Variants in SCN4A observed in about 807,000 individuals in gnomAD.
SCN4A encodes the protein sodium channel protein type 4 subunit alpha.
In SCN4A, 83 loss-of-function variants were observed where a neutral mutation model predicts 162.0. The ratio of observed to expected loss-of-function variants is 0.51; its 90% CI spans 0.43 to 0.61. SCN4A has a LOEUF of 0.61. Among genes scored for constraint, SCN4A ranks in the 20% least tolerant of loss-of-function variants. The probability of loss-of-function intolerance (pLI) is 0.00; values close to 1 mark genes in which losing one functional copy is unlikely to be tolerated. For missense variants in SCN4A, 2,196 were observed against 2,462.5 expected, an observed-to-expected ratio of 0.89 and a Z score of 2.29; for synonymous variants, 944 against 985.1, an observed-to-expected ratio of 0.96 and a Z score of 0.78.
intron 8 of SCN4A, 79 bp downstream of exon 8, chr17:63,966,023 C>T: frequency 8.9e-7 from 1 of 1,122,590 alleles, no homozygotes. Flanking sequence ...TGTGGTAGGC[C>T]CCATCAGGCC....
At chr17:63,946,961 G>T in intron 18 of SCN4A, 84 bp downstream of exon 18, 1 of 1,315,430 alleles carries the variant, frequency 7.6e-7, no homozygotes, top group Non-Finnish European at 1.1e-6. Flanking sequence ...GGTGGTTGGA[G>T]TATAGACATG....
chr17:63,946,464 C>CG (rs1220086390), intron 18 of SCN4A, among the ~76,000 whole-genome samples: 1 of 109,684 alleles, frequency 9.1e-6, no homozygotes, highest in African/African-American at 5.5e-5. Context: ...TTTTTCTTGC[C>CG]CCCCCCCCCA....
rs780460639 is a variant in SCN4A at position 63,963,844 on chromosome 17, G to A, written c.1453-19C>T. 6 of 1,584,166 alleles carry A rather than the reference G, an allele frequency of 3.8e-6. No homozygotes were observed. The East Asian group carries it at 1.2e-4, about 30-fold the overall frequency. On this transcript the variant is annotated intron_variant, in intron 9 of 23. Coordinates refer to ENST00000435607, the MANE Select transcript of SCN4A (RefSeq NM_000334.4). ...CCTTGGCCTGTAGACCAGCAAGAGT[G>A]ACTGGCAGGAAGTCCAGCTCTGAGC...
At position 63,941,894 on chromosome 17, in the gene SCN4A, C is replaced by A. The variant is rs771340029; in HGVS notation, c.4388G>T (p.Arg1463Leu). Residue 1463 changes from arginine (R) to leucine (L), a missense_variant, in exon 24 of 24, where the codon CGC becomes CTC. Coordinates refer to ENST00000435607, the MANE Select transcript of SCN4A (RefSeq NM_000334.4). This position sits in a 1 kb window ranked among gnomAD's most constrained non-coding sequence, Gnocchi z 6.2. Reference sequence around the variant, plus strand: ...CAGCGTCCGGATGCCCTTGGCCCCGCGGATCAGCCGCAGGACACGCCCAAT... The same window carrying A: ...CAGCGTCCGGATGCCCTTGGCCCCGAGGATCAGCCGCAGGACACGCCCAAT... ...ARIGRVLRLIRGAKGIRTLLF... is the reference protein window; with the variant it reads ...ARIGRVLRLILGAKGIRTLLF... The A allele has an allele frequency of 1.9e-6, 3 of 1,613,226 alleles. No homozygotes were observed. Among genetic ancestry groups the A allele is most frequent in the African/African-American group, 1.3e-5 (1 of 74,924 alleles).
intron 10 of SCN4A, chr17:63,961,640 C>T (rs1487578224): frequency 1.1e-5 from 6 of 554,902 alleles, no homozygotes; most frequent in Non-Finnish European, 1.6e-5. Context: ...TGGCTTCACC[C>T]CAAAGCCCCG....
At position 63,948,671 on chromosome 17, in the gene SCN4A, G is replaced by T. The variant is rs377273244; in HGVS notation, c.3084C>A (p.Val1028=). ...TGAAGGTCTCGAACCAGTTGTGCTC[G>T]ACAATCTTGAAGCAGGCCCTGCGCA... ...WTLRRACFKI[V]EHNWFETFIV... The change falls in exon 16 of 24, where the codon GTC becomes GTA. Residue 1028 remains valine, a synonymous_variant. Transcript: ENST00000435607. The T allele has an allele frequency of 1.6e-4, 252 of 1,613,784 alleles. 2 individuals carry two copies. The Middle Eastern group carries it at 3.1e-3, about 20-fold the overall frequency.
intron 18 of SCN4A, among the ~76,000 whole-genome samples, chr17:63,946,791 A>C (rs1908738789): frequency 1.3e-5 from 2 of 151,772 alleles, no homozygotes; most frequent in South Asian, 4.2e-4. Flanking sequence ...TGCTCCCCTC[A>C]AGTAGTGGCA....
rs1567818119 is a variant in SCN4A, at chr17:63,945,540, G to T, written c.3540C>A (p.Asn1180Lys). 6.2e-7 allele frequency: 1 copy of T among 1,614,000 alleles called. No individual in the cohort carries two copies. Among genetic ancestry groups the T allele is most frequent in the Non-Finnish European group, 8.5e-7 (1 of 1,179,888 alleles). The change falls in exon 19 of 24, where the codon AAC (asparagine) becomes AAA (lysine). Residue 1180 changes from asparagine to lysine, a missense_variant. Transcript: ENST00000435607. The surrounding 1 kb of genome is among the most constrained non-coding windows in gnomAD (Gnocchi z 4.4). ...AGTAGTAGAACTTGCCGGCAAACAGGTTGACACCCATGATGCTGAAGATCA... is the reference window on the plus strand; with the variant it reads ...AGTAGTAGAACTTGCCGGCAAACAGTTTGACACCCATGATGCTGAAGATCA... The part of the protein sequence containing the change: ...FWLIFSIMGV[N>K]LFAGKFYYCI...
At chr17:63,959,893 C>T (rs541741283) in intron 11 of SCN4A, among the ~76,000 whole-genome samples, 30 of 152,222 alleles carry the variant, frequency 2.0e-4, no homozygotes, top group East Asian at 1.4e-3. Context: ...CACATGGGAA[C>T]GAGCCACATC....
intron 6 of SCN4A, among the ~76,000 whole-genome samples, chr17:63,967,257 A>T (rs2144808873): frequency 6.6e-6 from 1 of 152,096 alleles, no homozygotes; most frequent in Middle Eastern, 3.4e-3. Context: ...GGTTCAAGCG[A>T]TTCTCCTGCC....
intron 13 of SCN4A, among the ~76,000 whole-genome samples, chr17:63,953,071 C>A (rs1257391913): frequency 6.6e-6 from 1 of 152,134 alleles, no homozygotes; most frequent in Non-Finnish European, 1.5e-5. Context: ...ATTAAAGGAT[C>A]AATAAAAGCC....
At chr17:63,947,012 C>A in intron 18 of SCN4A, 33 bp downstream of exon 18, 1 of 1,472,798 alleles carries the variant, frequency 6.8e-7, no homozygotes, top group East Asian at 2.4e-5. Context: ...TCCCCCATCC[C>A]CAGCCCACCC....
intron 10 of SCN4A, 161 bp from the exon 11 acceptor site, chr17:63,961,592 A>C: frequency 1.9e-6 from 1 of 536,004 alleles, no homozygotes; most frequent in Non-Finnish European, 3.4e-6. Context: ...CTCTTGCGTC[A>C]CCCTTACTGT....
chr17:63,959,570 C>A (rs927064874), intron 11 of SCN4A, 132 bp from the exon 12 acceptor site: 8 of 799,666 alleles, frequency 1.0e-5, no homozygotes, highest in Non-Finnish European at 1.4e-5. Flanking sequence ...CTGAGAGGAG[C>A]AGGAGTGGCA....
chr17:63,961,252 C>T lies in SCN4A; in HGVS notation c.1786G>A (p.Ala596Thr). The T allele has an allele frequency of 6.4e-7, 1 of 1,574,590 alleles. No homozygotes were observed. The highest frequency in any genetic ancestry group is 1.1e-5 in the South Asian group (1 of 90,492). The change falls in exon 11 of 24, where the codon GCC (alanine) becomes ACC (threonine). Residue 596 changes from alanine (A) to threonine (T), a missense_variant. Coordinates refer to ENST00000435607, the MANE Select transcript of SCN4A (RefSeq NM_000334.4). The part of the protein sequence containing the change: ...ICIVLNTLFM[A>T]MEHYPMTEHF... The stretch of plus-strand genomic sequence containing the variant: ...TCCGTCATGGGGTAATGTTCCATGG[C>T]CATGAAGAGGGTGTTGAGCACGATG...
chr17:63,947,878 G>C lies in SCN4A; in HGVS notation c.3318+12C>G, dbSNP rs13341114. The C allele has an allele frequency of 1.9e-6, 3 of 1,611,868 alleles. No individual in the cohort carries two copies. Among genetic ancestry groups the C allele is most frequent in the Admixed American group, 1.7e-5 (1 of 59,840 alleles). On this transcript the variant is annotated intron_variant, in intron 17 of 23. Transcript: ENST00000435607. Reference sequence around the variant, plus strand: ...CTGGATGTAGCTACGGGGCCAGCGTGGGGGGACTCACATCCACGATGAGGA... The same window carrying C: ...CTGGATGTAGCTACGGGGCCAGCGTCGGGGGACTCACATCCACGATGAGGA...
chr17:63,947,641 A>G (rs1358701868), intron 17 of SCN4A, among the ~76,000 whole-genome samples: 1 of 152,210 alleles, frequency 6.6e-6, no homozygotes, highest in Admixed American at 6.5e-5. Context: ...TCCTATTGGC[A>G]GGGATGGTAA....
chr17:63,961,712 C>G (rs1909263816), intron 10 of SCN4A: 2 of 455,350 alleles, frequency 4.4e-6, no homozygotes, highest in South Asian at 6.0e-5. Context: ...AGATCCCGCC[C>G]TCTAACCCCC....
chr17:63,965,386 T>C (rs1744707116), intron 8 of SCN4A, among the ~76,000 whole-genome samples: 1 of 152,258 alleles, frequency 6.6e-6, no homozygotes, highest in African/African-American at 2.4e-5. Context: ...ACACCATCAA[T>C]GTTAGAAACA....
Sources: allele counts gnomAD v4.1 joint callset (sites outside exome capture counted in the v4.1 genomes callset), GRCh38; gene constraint gnomAD v4.1.1; non-coding constraint Gnocchi (gnomAD v3.1); transcripts MANE v1.5; gene names NCBI Gene and HGNC (gene_info 2026-07-23, HGNC 2026-07-21).